The following METTL8 variants were observed in gnomAD, a reference collection of about 807,000 sequenced individuals.
METTL8 encodes the protein tRNA N(3)-cytidine methyltransferase METTL8, mitochondrial.
In METTL8, 32 loss-of-function variants were observed where a neutral mutation model predicts 48.7. The observed-to-expected ratio is 0.66, with a 90% confidence interval of 0.50 to 0.88. The LOEUF is 0.88. METTL8 is among the 40% of genes least tolerant of loss of function. The probability of loss-of-function intolerance (pLI) is 0.00; values close to 1 mark genes in which losing one functional copy is unlikely to be tolerated. For missense variants in METTL8, 464 were observed against 474.4 expected, an observed-to-expected ratio of 0.98 and a Z score of 0.20; for synonymous variants, 136 against 157.1, an observed-to-expected ratio of 0.87 and a Z score of 1.01.
chr2:171,376,110 C>G (rs1458247623), intron 2 of METTL8, among the ~76,000 whole-genome samples: 2 of 152,188 alleles, frequency 1.3e-5, no homozygotes, highest in Non-Finnish European at 2.9e-5. Flanking sequence ...TCTTAACTAA[C>G]TGGGCATTTG....
Position 171,356,952 on chromosome 2 carries a change from A to ATGTTTTTCTTTTTTT in METTL8, c.235+3469_235+3470insAAAAAAAGAAAAACA. 2.5e-5 allele frequency among the ~76,000 whole-genome samples: 2 copies of ATGTTTTTCTTTTTTT among 78,468 alleles called. 1 individual carries two copies. The highest frequency in any genetic ancestry group is 4.8e-5 in the Non-Finnish European group (2 of 41,406). 51.5% of individuals were successfully genotyped at this position (78,468 alleles called of 152,430 possible). On this transcript the variant is annotated intron_variant, in intron 3 of 9. Transcript: ENST00000375258. The stretch of plus-strand genomic sequence containing the variant: ...CAAATTAGCCTTGTTCAAAGACAAT[A>ATGTTTTTCTTTTTTT]TTTTTTTTTTTTTTTTTGAGACAGG...
At chr2:171,411,340 AAAT>A (rs1690726899) in intron 1 of METTL8, among the ~76,000 whole-genome samples, 1 of 152,258 alleles carries the variant, frequency 6.6e-6, no homozygotes, top group Non-Finnish European at 1.5e-5. Flanking sequence ...AGCACCAGAA[AAAT>A]ACTACAGGGA....
Position 171,316,755 on chromosome 2 carries a change from C to T in METTL8, c.*7417G>A, listed in dbSNP as rs1684282335. Among the ~76,000 whole-genome samples, 1 of 152,122 alleles carries T rather than the reference C, an allele frequency of 6.6e-6. No individual in the cohort carries two copies. The highest frequency in any genetic ancestry group is 2.4e-5 in the African/African-American group (1 of 41,432). ...AGGGCTGCGAAAGAAAAAGTATGAG[C>T]AATGAGAAAAGCAATTATCCTTGGA... is the stretch of plus-strand genomic sequence containing the variant. On this transcript the variant is annotated 3_prime_UTR_variant, in exon 10 of 10. Coordinates refer to ENST00000375258, the MANE Select transcript of METTL8 (RefSeq NM_001321154.2).
intron 3 of METTL8, among the ~76,000 whole-genome samples, chr2:171,343,866 A>G (rs1392627299): frequency 2.6e-5 from 4 of 152,238 alleles, no homozygotes; most frequent in Non-Finnish European, 4.4e-5. Flanking sequence ...GCCGTTTTAA[A>G]CATGAGTCTG....
chr2:171,394,196 T>C (rs1213834314), intron 1 of METTL8, among the ~76,000 whole-genome samples: 6 of 152,204 alleles, frequency 3.9e-5, no homozygotes, highest in Non-Finnish European at 8.8e-5. Flanking sequence ...GAGCTCTTTC[T>C]GCAGTGAATA....
intron 3 of METTL8, 125 bp downstream of exon 3, chr2:171,360,297 T>G: frequency 1.4e-6 from 1 of 720,588 alleles, no homozygotes; most frequent in Non-Finnish European, 2.2e-6. Flanking sequence ...GAACTGGGAA[T>G]TCTACCAAAT....
rs2105373347 is a variant in METTL8, at chr2:171,320,435, C to A, written c.*3737G>T. 1 of 152,322 alleles carries A rather than the reference C, an allele frequency of 6.6e-6. No individual in the cohort carries two copies. Among genetic ancestry groups the A allele is most frequent in the South Asian group, 2.1e-4 (1 of 4,826 alleles). The allele number at this position is 152,322 out of a possible 1,614,324, so 9.4% of individuals were successfully genotyped here. A position where few individuals can be genotyped will look rare whatever the true frequency, so the allele number is the denominator to read the frequency against. ...GAATTTTACTGTGCCAGTCAAGAGG[C>A]TGGCTTGAATCCGCTATTTAGAACT... On this transcript the variant is annotated 3_prime_UTR_variant, in exon 10 of 10. Coordinates refer to ENST00000375258, the MANE Select transcript of METTL8 (RefSeq NM_001321154.2).
At chr2:171,330,737 A>C in intron 6 of METTL8, 39 bp from the exon 7 acceptor site, 2 of 1,527,070 alleles carry the variant, frequency 1.3e-6, no homozygotes, top group Non-Finnish European at 8.8e-7. Context: ...AAGAGGACTT[A>C]GTAGACTTCC....
chr2:171,428,229 G>A (rs564232772), intron 1 of METTL8, among the ~76,000 whole-genome samples: 1 of 152,206 alleles, frequency 6.6e-6, no homozygotes, highest in Non-Finnish European at 1.5e-5. Context: ...TTCAACAAAT[G>A]GAAAATATCT....
intron 1 of METTL8, among the ~76,000 whole-genome samples, chr2:171,411,757 A>G (rs1690775255): frequency 6.6e-6 from 1 of 152,218 alleles, no homozygotes; most frequent in Non-Finnish European, 1.5e-5. Context: ...ATGGGGTAAA[A>G]AAGACTCTTA....
chr2:171,394,763 G>T (rs1384471397), intron 1 of METTL8, among the ~76,000 whole-genome samples: 2 of 152,146 alleles, frequency 1.3e-5, no homozygotes, highest in African/African-American at 4.8e-5. Flanking sequence ...TACTTAAATT[G>T]CAAGCTTCTA....
intron 4 of METTL8, among the ~76,000 whole-genome samples, chr2:171,337,905 G>A (rs1686289071): frequency 6.6e-6 from 1 of 151,480 alleles, no homozygotes; most frequent in Non-Finnish European, 1.5e-5. Context: ...TCAAAGAAAC[G>A]CATATTAAAA....
At chr2:171,344,121 AAAAATG>A (rs1195015249) in intron 3 of METTL8, among the ~76,000 whole-genome samples, 1 of 152,242 alleles carries the variant, frequency 6.6e-6, no homozygotes, top group East Asian at 1.9e-4. Context: ...TAGTAGCATT[AAAAATG>A]ACAAGAATAA....
chr2:171,396,443 G>C (rs888544141), intron 1 of METTL8, among the ~76,000 whole-genome samples: 2 of 152,048 alleles, frequency 1.3e-5, no homozygotes, highest in African/African-American at 4.8e-5. Flanking sequence ...TACTTTGTCT[G>C]ATATTAATAC....
Position 171,323,225 on chromosome 2 carries a change from C to A in METTL8, c.*947G>T, listed in dbSNP as rs372661311. The A allele has an allele frequency of 9.0e-6, 1 of 110,850 alleles. No homozygotes were observed. Among genetic ancestry groups the A allele is most frequent in the African/African-American group, 3.2e-5 (1 of 31,162 alleles). The allele number at this position is 110,850 out of a possible 1,614,324, so 6.9% of individuals were successfully genotyped here. ...ATACAAGAGCTTGTCAGCTTACATA[C>A]CTTTTTTTTTTTTTTTTTTTTTTTT... On this transcript the variant is annotated 3_prime_UTR_variant, in exon 10 of 10. Transcript: ENST00000375258.
chr2:171,374,545 G>A (rs756877321), intron 2 of METTL8, among the ~76,000 whole-genome samples: 1 of 152,168 alleles, frequency 6.6e-6, no homozygotes, highest in Non-Finnish European at 1.5e-5. Context: ...AACTTGGTAA[G>A]TTTTAATATA....
intron 1 of METTL8, among the ~76,000 whole-genome samples, chr2:171,405,659 AAC>A (rs371161570): frequency 5.3e-4 from 80 of 150,254 alleles, no homozygotes; most frequent in African/African-American, 2.0e-3. Context: ...AGGATGAGAG[AAC>A]ACACACACAC....
At chr2:171,352,542 G>A in intron 3 of METTL8, among the ~76,000 whole-genome samples, 1 of 152,200 alleles carries the variant, frequency 6.6e-6, no homozygotes, top group Non-Finnish European at 1.5e-5. Context: ...CAGAAGGAAT[G>A]GTACCAGCTC....
chr2:171,348,459 T>C (rs777970943), intron 3 of METTL8, among the ~76,000 whole-genome samples: 14 of 152,172 alleles, frequency 9.2e-5, no homozygotes, highest in South Asian at 6.2e-4. Context: ...ATTTCGACCA[T>C]AGACTAGTTT....
Sources: allele counts gnomAD v4.1 joint callset (sites outside exome capture counted in the v4.1 genomes callset), GRCh38; gene constraint gnomAD v4.1.1; transcripts MANE v1.5; gene names NCBI Gene and HGNC (gene_info 2026-07-23, HGNC 2026-07-21).